SND1: variants seen among roughly 807,000 people sequenced by gnomAD.
SND1 encodes the protein staphylococcal nuclease and tudor domain containing 1, also known as staphylococcal nuclease domain-containing protein 1.
SND1 carries 38 observed loss-of-function variants against 121.7 expected under a neutral mutation model. The ratio of observed to expected loss-of-function variants is 0.31; its 90% confidence interval spans 0.24 to 0.41. The LOEUF (loss-of-function observed/expected upper bound fraction) is 0.41, where lower values mean the gene tolerates loss of function less well. Among genes scored for constraint, SND1 ranks in the 10% least tolerant of loss-of-function variants. The pLI, the probability that SND1 is intolerant of heterozygous loss-of-function variation, is 1.00. For synonymous variants in SND1, 401 were observed against 447.4 expected (o/e 0.90, Z 1.31); for missense variants, 868 against 1,184.6 (o/e 0.73, Z 3.92).
chr7:127,979,552 AG>A (rs1802209761), intron 15 of SND1, among the ~76,000 whole-genome samples: 1 of 152,222 alleles, frequency 6.6e-6, no homozygotes, highest in Non-Finnish European at 1.5e-5. Flanking sequence ...AGAACAGAGC[AG>A]GTGACCAAGG....
chr7:127,695,163 C>T (rs749079991), intron 3 of SND1, among the ~76,000 whole-genome samples: 4 of 152,176 alleles, frequency 2.6e-5, no homozygotes, highest in Admixed American at 6.5e-5. Flanking sequence ...ACCCCTTTTC[C>T]TGCTTTGGTT....
intron 15 of SND1, among the ~76,000 whole-genome samples, chr7:127,969,748 A>C (rs1801940644): frequency 6.6e-6 from 1 of 152,150 alleles, no homozygotes; most frequent in Non-Finnish European, 1.5e-5. Flanking sequence ...CAAAACAAAA[A>C]AAACTCCAGC....
intron 16 of SND1, among the ~76,000 whole-genome samples, chr7:128,043,627 G>A (rs1002064731): frequency 6.6e-6 from 1 of 150,898 alleles, no homozygotes; most frequent in Non-Finnish European, 1.5e-5. Flanking sequence ...TATATGAATG[G>A]TGGTGCTGAC....
At chr7:127,829,085 T>G (rs1199304866) in intron 11 of SND1, among the ~76,000 whole-genome samples, 2 of 152,174 alleles carry the variant, frequency 1.3e-5, no homozygotes, top group Non-Finnish European at 2.9e-5. Flanking sequence ...ACAGGGTATG[T>G]ATTATTAACT....
At chr7:128,084,262 C>T (rs574324301) in intron 18 of SND1, among the ~76,000 whole-genome samples, 2 of 152,344 alleles carry the variant, frequency 1.3e-5, no homozygotes, top group South Asian at 4.1e-4. Flanking sequence ...AGACAGTAGA[C>T]AGTGGCTTCT....
chr7:127,896,803 C>T (rs184533634), intron 13 of SND1, among the ~76,000 whole-genome samples: 377 of 152,178 alleles, frequency 2.5e-3, no homozygotes, highest in South Asian at 4.4e-3. Flanking sequence ...TCTGAATAGC[C>T]TCCACCAGCT....
intron 1 of SND1, among the ~76,000 whole-genome samples, chr7:127,656,833 A>G (rs1022998281): frequency 6.6e-5 from 10 of 152,294 alleles, no homozygotes; most frequent in Admixed American, 3.3e-4. Context: ...ATACCCTTCT[A>G]CTATTCCAAG....
chr7:128,076,556 G>A (rs1793509426), intron 17 of SND1, among the ~76,000 whole-genome samples: 1 of 152,160 alleles, frequency 6.6e-6, no homozygotes, highest in Non-Finnish European at 1.5e-5. Context: ...CTAAGAGTTG[G>A]CTGAACCCTG....
intron 10 of SND1, among the ~76,000 whole-genome samples, chr7:127,758,226 A>G (rs1163478213): frequency 6.6e-6 from 1 of 152,262 alleles, no homozygotes; most frequent in African/African-American, 2.4e-5. Context: ...ATGTACTGCT[A>G]GTACTATCCA....
chr7:127,764,288 C>T (rs1163541106), intron 10 of SND1, among the ~76,000 whole-genome samples: 1 of 152,196 alleles, frequency 6.6e-6, no homozygotes, highest in Admixed American at 6.5e-5. Flanking sequence ...GAGCTATCAC[C>T]TACCCTGTGG....
chr7:127,914,247 TCTC>T (rs1007033046), intron 14 of SND1, among the ~76,000 whole-genome samples: 10 of 152,206 alleles, frequency 6.6e-5, no homozygotes, highest in African/African-American at 1.9e-4. Flanking sequence ...ATCATATTCA[TCTC>T]CTCCACTACT....
At chr7:127,802,416 A>G (rs1191434403) in intron 10 of SND1, among the ~76,000 whole-genome samples, 2 of 152,194 alleles carry the variant, frequency 1.3e-5, no homozygotes, top group Admixed American at 6.5e-5. Context: ...CAAACTACCA[A>G]TGACCCACAC....
intron 12 of SND1, chr7:127,857,737 AG>A: frequency 1.6e-6 from 1 of 613,886 alleles, no homozygotes; most frequent in East Asian, 2.8e-5. Flanking sequence ...TTATTGGGAA[AG>A]GGAAATTGAC....
intron 14 of SND1, among the ~76,000 whole-genome samples, chr7:127,911,652 G>A (rs1800457509): frequency 6.6e-6 from 1 of 152,088 alleles, no homozygotes; most frequent in South Asian, 2.1e-4. Context: ...CTCCTGAGTA[G>A]CTGGGATTAC....
At chr7:127,913,446 T>G (rs1378816348) in intron 14 of SND1, among the ~76,000 whole-genome samples, 1 of 152,108 alleles carries the variant, frequency 6.6e-6, no homozygotes, top group Non-Finnish European at 1.5e-5. Context: ...ATTGAGGGAG[T>G]TAGGAACATT....
chr7:128,079,530 G>A (rs1793562386), intron 17 of SND1, among the ~76,000 whole-genome samples: 2 of 152,236 alleles, frequency 1.3e-5, no homozygotes, highest in Non-Finnish European at 2.9e-5. Context: ...CCCATACCAG[G>A]GGCCCACAAG....
At position 127,908,318 on chromosome 7, in the gene SND1, A is replaced by ATGTGTG. The variant is rs10579969; in HGVS notation, c.1527+3536_1527+3541dup. Among the ~76,000 whole-genome samples the ATGTGTG allele has an allele frequency of 8.0e-3, 1,105 of 138,530 alleles. 6 individuals carry two copies. The highest frequency in any genetic ancestry group is 8.8e-3 in the African/African-American group (319 of 36,336). 90.9% of individuals were successfully genotyped at this position (138,530 alleles called of 152,430 possible). On this transcript the variant is annotated intron_variant, in intron 14 of 23. Transcript: ENST00000354725. Reference sequence around the variant, plus strand: ...TCTACCAAAAAAAAAATAATAATAAATGTGTGTGTGTGTGTGTGTGTGTGT... The same window carrying ATGTGTG: ...TCTACCAAAAAAAAAATAATAATAAATGTGTGTGTGTGTGTGTGTGTGTGTGTGTGT...
chr7:128,021,090 C>G (rs887079488), intron 16 of SND1, among the ~76,000 whole-genome samples: 1 of 152,156 alleles, frequency 6.6e-6, no homozygotes, highest in Non-Finnish European at 1.5e-5. Flanking sequence ...TTCCCCCTGC[C>G]TAATCTTAAA....
intron 10 of SND1, among the ~76,000 whole-genome samples, chr7:127,761,642 C>T (rs1362043019): frequency 2.6e-5 from 4 of 152,092 alleles, no homozygotes; most frequent in African/African-American, 7.2e-5. Context: ...ATCCATTGTT[C>T]GAAGCTAGCA....
Sources: allele counts gnomAD v4.1 joint callset (sites outside exome capture counted in the v4.1 genomes callset), GRCh38; gene constraint gnomAD v4.1.1; transcripts MANE v1.5; gene names NCBI Gene and HGNC (gene_info 2026-07-23, HGNC 2026-07-21).